Variants in ZNF236 observed in about 807,000 individuals in gnomAD.
ZNF236 encodes the protein regulated by glucose.
A neutral mutation model predicts 191.2 loss-of-function variants in ZNF236; 50 were observed. That is an observed-to-expected ratio of 0.26 (90% CI 0.21 to 0.33). The LOEUF (loss-of-function observed/expected upper bound fraction) is 0.33, where lower values mean the gene tolerates loss of function less well. Among genes scored for constraint, ZNF236 ranks in the 10% least tolerant of loss-of-function variants. The probability of loss-of-function intolerance (pLI) is 1.00; values close to 1 mark genes in which losing one functional copy is unlikely to be tolerated. For missense variants in ZNF236, 1,754 were observed against 2,374.5 expected (o/e 0.74, Z 5.43); for synonymous variants, 907 against 928.8 (o/e 0.98, Z 0.43).
chr18:76,863,554 G>A (rs1976303944), intron 3 of ZNF236, among the ~76,000 whole-genome samples: 1 of 151,788 alleles, frequency 6.6e-6, no homozygotes, highest in Admixed American at 6.6e-5. Flanking sequence ...TTCAATTGCT[G>A]AAAGAAAAGA....
At chr18:76,914,189 T>C (rs1568227449) in intron 18 of ZNF236, among the ~76,000 whole-genome samples, 1 of 152,214 alleles carries the variant, frequency 6.6e-6, no homozygotes, top group East Asian at 1.9e-4. Flanking sequence ...GGGTATTTTA[T>C]AGAAGTACGT....
At chr18:76,949,501 G>A (rs548225216) in intron 27 of ZNF236, among the ~76,000 whole-genome samples, 140 of 152,056 alleles carry the variant, frequency 9.2e-4, no homozygotes, top group African/African-American at 3.3e-3. Flanking sequence ...GTGAATACAG[G>A]CATACCTCAG....
chr18:76,864,132 C>T (rs1249741616), intron 3 of ZNF236, among the ~76,000 whole-genome samples: 1 of 152,156 alleles, frequency 6.6e-6, no homozygotes, highest in East Asian at 1.9e-4. Flanking sequence ...ATCTGCCAGC[C>T]CACGCTGCAG....
Position 76,912,356 on chromosome 18 carries a change from C to T in ZNF236, c.2909+9C>T, listed in dbSNP as rs1365263806. The T allele has an allele frequency of 1.2e-6, 2 of 1,606,986 alleles. No individual in the cohort carries two copies. Among genetic ancestry groups the T allele is most frequent in the Non-Finnish European group, 1.7e-6 (2 of 1,174,126 alleles). The stretch of plus-strand genomic sequence containing the variant: ...AGCAGGCGCTCTTACAGGTAGTTGT[C>T]TGCACAGACCAGCTCATGGTATTGC... On this transcript the variant is annotated intron_variant, in intron 17 of 30. Coordinates refer to ENST00000320610, the MANE Select transcript of ZNF236 (RefSeq NM_001306089.2).
Position 76,919,553 on chromosome 18 carries a change from C to T in ZNF236, c.3275-223C>T, listed in dbSNP as rs898261148. 6.6e-6 allele frequency among the ~76,000 whole-genome samples: 1 copy of T among 152,162 alleles called. No individual in the cohort carries two copies. Among genetic ancestry groups the T allele is most frequent in the Non-Finnish European group, 1.5e-5 (1 of 68,018 alleles). On this transcript the variant is annotated intron_variant, in intron 19 of 30. Coordinates refer to ENST00000320610, the MANE Select transcript of ZNF236 (RefSeq NM_001306089.2). This position sits in a 1 kb window ranked among gnomAD's most constrained non-coding sequence, Gnocchi z 5.3. ...TTTCACCCCTTCACCAACCTCTGTT[C>T]ATCCCCCGCCCCCCACTTTCCAGTA... is the stretch of plus-strand genomic sequence containing the variant.
intron 10 of ZNF236, 145 bp from the exon 11 acceptor site, chr18:76,898,874 T>C (rs369999777): frequency 1.4e-6 from 1 of 702,116 alleles, no homozygotes; most frequent in Non-Finnish European, 2.3e-6. Flanking sequence ...GGGAAAATAA[T>C]TTACAATATC....
At chr18:76,952,264 T>C (rs1341573074) in intron 27 of ZNF236, among the ~76,000 whole-genome samples, 1 of 152,212 alleles carries the variant, frequency 6.6e-6, no homozygotes, top group Non-Finnish European at 1.5e-5. Context: ...AAGGTATGCC[T>C]ATAATTAGTA....
intron 3 of ZNF236, among the ~76,000 whole-genome samples, chr18:76,860,449 TA>T (rs201998042): frequency 0.013 from 1,960 of 152,370 alleles, 22 homozygotes; most frequent in Non-Finnish European, 0.02. Flanking sequence ...GCAGATGTTC[TA>T]AAGTATTTAT....
chr18:76,823,433 C>T (rs986248538), intron 1 of ZNF236, among the ~76,000 whole-genome samples: 2 of 151,940 alleles, frequency 1.3e-5, no homozygotes, highest in Non-Finnish European at 2.9e-5. Flanking sequence ...GTCGTGCAAA[C>T]AGTAGGCACC....
chr18:76,828,254 C>T (rs1381903617), intron 1 of ZNF236, among the ~76,000 whole-genome samples: 2 of 151,896 alleles, frequency 1.3e-5, no homozygotes, highest in Non-Finnish European at 2.9e-5. Context: ...GCAACCTCCG[C>T]CTCCCAGGTT....
chr18:76,943,610 T>C (rs1968192380), intron 26 of ZNF236, among the ~76,000 whole-genome samples: 1 of 152,228 alleles, frequency 6.6e-6, no homozygotes. Flanking sequence ...TATTTAGGTA[T>C]ATAAATGTGG....
chr18:76,822,938 A>G (rs2122341661), intron 1 of ZNF236, among the ~76,000 whole-genome samples: 1 of 147,762 alleles, frequency 6.8e-6, no homozygotes, highest in Admixed American at 6.7e-5. Context: ...GTGAGGGAGC[A>G]GGCGGCCGCC....
intron 3 of ZNF236, among the ~76,000 whole-genome samples, chr18:76,862,819 C>A (rs1599342470): frequency 6.6e-6 from 1 of 152,238 alleles, no homozygotes; most frequent in East Asian, 1.9e-4. Flanking sequence ...AAGAGCTGGT[C>A]CCACAGTTTA....
At chr18:76,889,676 TAA>T (rs1459178719) in intron 9 of ZNF236, among the ~76,000 whole-genome samples, 1 of 152,170 alleles carries the variant, frequency 6.6e-6, no homozygotes, top group Non-Finnish European at 1.5e-5. Context: ...TGACCAATAA[TAA>T]GTGTTTAATG....
At chr18:76,904,555 A>G in intron 12 of ZNF236, 34 bp downstream of exon 12, 1 of 1,545,706 alleles carries the variant, frequency 6.5e-7, no homozygotes, top group Non-Finnish European at 8.7e-7. Context: ...GAAATTTAGT[A>G]TAATTAAACT....
intron 3 of ZNF236, among the ~76,000 whole-genome samples, chr18:76,863,204 T>TG (rs1976294639): frequency 6.6e-6 from 1 of 152,132 alleles, no homozygotes; most frequent in Non-Finnish European, 1.5e-5. Context: ...CAGGGAACTT[T>TG]GGGACAATAA....
At chr18:76,898,550 A>G (rs1977500757) in intron 10 of ZNF236, among the ~76,000 whole-genome samples, 1 of 152,242 alleles carries the variant, frequency 6.6e-6, no homozygotes, top group Admixed American at 6.5e-5. Context: ...TATTAGTACT[A>G]TTATCATCAT....
chr18:76,866,941 C>T (rs1420370125), intron 3 of ZNF236, among the ~76,000 whole-genome samples: 1 of 152,172 alleles, frequency 6.6e-6, no homozygotes, highest in Non-Finnish European at 1.5e-5. Flanking sequence ...GTGCTGGATC[C>T]TGCTCGCACC....
chr18:76,932,572 G>A (rs1368824102), intron 25 of ZNF236, among the ~76,000 whole-genome samples: 6 of 152,198 alleles, frequency 3.9e-5, no homozygotes, highest in Non-Finnish European at 5.9e-5. Context: ...GGGCCGAAGC[G>A]AGTGGTAGTC....
Sources: gnomAD v4.1 joint callset for allele counts (sites outside exome capture counted in the v4.1 genomes callset) on GRCh38, gnomAD v4.1.1 for gene constraint, Gnocchi (gnomAD v3.1) non-coding constraint, MANE v1.5 for transcripts, NCBI Gene and HGNC (gene_info 2026-07-23, HGNC 2026-07-21) for gene names.